SRGAP2B: variants seen among roughly 807,000 people sequenced by gnomAD.
SRGAP2B encodes the protein SLIT-ROBO Rho GTPase-activating protein 2B.
SRGAP2B carries 9 observed loss-of-function variants against 22.2 expected under a neutral mutation model. That is an observed-to-expected ratio of 0.41 (90% CI 0.24 to 0.71). SRGAP2B has a LOEUF of 0.71. Among genes scored for constraint, SRGAP2B ranks in the 30% least tolerant of loss-of-function variants. The pLI is 0.35. For synonymous variants in SRGAP2B, 36 were observed against 87.4 expected (o/e 0.41, Z 3.28); for missense variants, 114 against 235.8 (o/e 0.48, Z 3.38).
intron 7 of SRGAP2B, among the ~76,000 whole-genome samples, chr1:144,901,198 TA>T (rs1267294775): frequency 1.5e-5 from 1 of 67,156 alleles, no homozygotes; most frequent in Non-Finnish European, 2.8e-5. Context: ...CACTATACTA[TA>T]AAAAGAAGTC....
chr1:144,985,778 C>T (rs1264884836), intron 3 of SRGAP2B, among the ~76,000 whole-genome samples: 1 of 148,390 alleles, frequency 6.7e-6, no homozygotes, highest in Non-Finnish European at 1.5e-5. Flanking sequence ...TGGGGAAAGC[C>T]ATGTTACCTG....
chr1:144,941,426 A>C lies in SRGAP2B; in HGVS notation c.423+14013T>G, dbSNP rs1370593051. Among the ~76,000 whole-genome samples the C allele has an allele frequency of 2.1e-5, 3 of 141,594 alleles. No homozygotes were observed. In the East Asian group the frequency reaches 6.1e-4, roughly 29 times the overall value. 92.9% of individuals were successfully genotyped at this position (141,594 alleles called of 152,430 possible). On this transcript the variant is annotated intron_variant, in intron 4 of 9. Transcript: ENST00000612199. ...AGAATTCAAATTAATCTATAACTGG[A>C]AGTTTCATATTGAGTAAATGCTGGG... is the stretch of plus-strand genomic sequence containing the variant.
At chr1:144,907,463 A>G (rs1663076720) in intron 5 of SRGAP2B, among the ~76,000 whole-genome samples, 1 of 147,462 alleles carries the variant, frequency 6.8e-6, no homozygotes, top group African/African-American at 2.6e-5. Flanking sequence ...TCTCCTCTGG[A>G]TAGGACTGGA....
At chr1:144,987,940 A>G (rs1669870240) in intron 3 of SRGAP2B, among the ~76,000 whole-genome samples, 1 of 150,842 alleles carries the variant, frequency 6.6e-6, no homozygotes, top group Non-Finnish European at 1.5e-5. Flanking sequence ...AGCTACGTGG[A>G]CTCTTTAGGT....
At chr1:144,976,427 G>C (rs587721678) in intron 3 of SRGAP2B, among the ~76,000 whole-genome samples, 1 of 138,924 alleles carries the variant, frequency 7.2e-6, no homozygotes, top group South Asian at 2.3e-4. Flanking sequence ...GGGTGTGTGT[G>C]TGTATGTGTC....
At chr1:144,914,208 C>T (rs1197376496) in intron 5 of SRGAP2B, among the ~76,000 whole-genome samples, 28 of 151,696 alleles carry the variant, frequency 1.8e-4, no homozygotes, top group African/African-American at 6.3e-4. Context: ...ACTGGTCCCT[C>T]TTACTGGGGG....
In SRGAP2B at chr1:144,976,019, G is replaced by A. The variant is rs782243963; in HGVS notation, c.260+18989C>T. 1.1e-4 allele frequency among the ~76,000 whole-genome samples: 17 copies of A among 149,194 alleles called. 2 individuals are homozygous for A. The highest frequency in any genetic ancestry group is 3.9e-4 in the East Asian group (2 of 5,146). ...CTCCCCAGTAGCTGGGACCACAGGCGCCTGCCACCATGCCCGGCTAATTTT... is the reference window on the plus strand; with the variant it reads ...CTCCCCAGTAGCTGGGACCACAGGCACCTGCCACCATGCCCGGCTAATTTT... On this transcript the variant is annotated intron_variant, in intron 3 of 9. Transcript: ENST00000612199.
chr1:145,006,867 G>A (rs1227768246), intron 2 of SRGAP2B, among the ~76,000 whole-genome samples: 1 of 150,544 alleles, frequency 6.6e-6, no homozygotes, highest in Non-Finnish European at 1.5e-5. Flanking sequence ...AACACCCCAG[G>A]GAGATTAGTT....
At chr1:144,952,628 G>A (rs1256257333) in intron 4 of SRGAP2B, among the ~76,000 whole-genome samples, 1 of 149,852 alleles carries the variant, frequency 6.7e-6, no homozygotes, top group Non-Finnish European at 1.5e-5. Flanking sequence ...GGAGTGCAGT[G>A]GCATGATTAC....
chr1:144,944,648 T>C (rs1418794577), intron 4 of SRGAP2B, among the ~76,000 whole-genome samples: 2 of 145,072 alleles, frequency 1.4e-5, no homozygotes, highest in Non-Finnish European at 3.0e-5. Flanking sequence ...ATGGCATTTA[T>C]AGCATCTTAG....
At chr1:144,997,385 C>A (rs1390538367) in intron 2 of SRGAP2B, among the ~76,000 whole-genome samples, 8 of 150,604 alleles carry the variant, frequency 5.3e-5, no homozygotes, top group Non-Finnish European at 1.2e-4. Context: ...GAGCAGAGAT[C>A]GCACCACTGC....
At chr1:144,912,237 C>T (rs1331910601) in intron 5 of SRGAP2B, among the ~76,000 whole-genome samples, 1 of 146,866 alleles carries the variant, frequency 6.8e-6, no homozygotes, top group Admixed American at 6.7e-5. Flanking sequence ...CAGGCATGAG[C>T]CTGGCTCACT....
chr1:145,020,884 C>T (rs1672754428), intron 2 of SRGAP2B, among the ~76,000 whole-genome samples: 1 of 149,864 alleles, frequency 6.7e-6, no homozygotes, highest in South Asian at 2.1e-4. Flanking sequence ...ACTGCAAACC[C>T]TGACTCCCTG....
At chr1:144,945,544 T>C (rs1323998462) in intron 4 of SRGAP2B, among the ~76,000 whole-genome samples, 1 of 151,708 alleles carries the variant, frequency 6.6e-6, no homozygotes, top group Non-Finnish European at 1.5e-5. Context: ...TGAGCTGTAA[T>C]CATGCAACAG....
At chr1:144,951,323 T>C (rs1553609343) in intron 4 of SRGAP2B, among the ~76,000 whole-genome samples, 1 of 139,812 alleles carries the variant, frequency 7.2e-6, no homozygotes, top group Non-Finnish European at 1.5e-5. Context: ...CCTACAGGTG[T>C]GTACCACCAT....
At chr1:144,955,415 C>A in intron 4 of SRGAP2B, 24 bp downstream of exon 4, 1 of 1,599,198 alleles carries the variant, frequency 6.3e-7, no homozygotes, top group Non-Finnish European at 8.5e-7. Context: ...ACCCAAGAAC[C>A]TCTGTGAAGA....
At chr1:144,906,121 G>A in intron 5 of SRGAP2B, 47 bp from the exon 6 acceptor site, 1 of 711,924 alleles carries the variant, frequency 1.4e-6, no homozygotes, top group Non-Finnish European at 2.6e-6. Context: ...AGCCAAGGGT[G>A]TCATTTCTCT....
At chr1:145,020,674 G>T (rs1382963395) in intron 2 of SRGAP2B, among the ~76,000 whole-genome samples, 1 of 147,140 alleles carries the variant, frequency 6.8e-6, no homozygotes, top group Non-Finnish European at 1.5e-5. Flanking sequence ...TCTGATACAT[G>T]ATCATCAAAA....
chr1:145,015,526 T>C (rs1191973307), intron 2 of SRGAP2B, among the ~76,000 whole-genome samples: 1 of 143,020 alleles, frequency 7.0e-6, no homozygotes, highest in Non-Finnish European at 1.5e-5. Context: ...TAAGAAGTAA[T>C]TGCAATGTAA....
Sources: gnomAD v4.1 joint callset for allele counts (sites outside exome capture counted in the v4.1 genomes callset) on GRCh38, gnomAD v4.1.1 for gene constraint, MANE v1.5 for transcripts, NCBI Gene and HGNC (gene_info 2026-07-23, HGNC 2026-07-21) for gene names.